The following XKR9 variants were observed in gnomAD, a reference collection of about 807,000 sequenced individuals.
XKR9 encodes the protein XK related 9, also known as XK-related protein 9.
A neutral mutation model predicts 32.0 loss-of-function variants in XKR9; 32 were observed. The observed-to-expected ratio is 1.00, with a 90% CI of 0.76 to 1.34. XKR9 has a LOEUF of 1.34. Among genes scored for constraint, XKR9 ranks in the 40% most tolerant of loss-of-function variants. XKR9 has a pLI of 0.00. For synonymous variants in XKR9, 168 were observed against 143.4 expected, an observed-to-expected ratio of 1.17 and a Z score of -1.22; for missense variants, 546 against 429.7, an observed-to-expected ratio of 1.27 and a Z score of -2.39.
At chr8:70,842,716 C>G in the XKR9 span, among the ~76,000 whole-genome samples, 1 of 152,186 alleles carries the variant, frequency 6.6e-6, no homozygotes, top group South Asian at 2.1e-4. Context: ...CCATGTCAGG[C>G]TGTCCCTACT....
the XKR9 span, among the ~76,000 whole-genome samples, chr8:70,835,874 T>C: frequency 2.0e-5 from 3 of 152,236 alleles, no homozygotes; most frequent in East Asian, 5.8e-4. Context: ...ATCTCAAACA[T>C]TCTTTCACTG....
At chr8:70,970,021 C>T in the XKR9 span, among the ~76,000 whole-genome samples, 2 of 152,158 alleles carry the variant, frequency 1.3e-5, no homozygotes, top group Non-Finnish European at 2.9e-5. Flanking sequence ...TCCTGAGTAA[C>T]TTCACTTAGA....
chr8:70,944,979 C>T, the XKR9 span, among the ~76,000 whole-genome samples: 2 of 151,994 alleles, frequency 1.3e-5, no homozygotes, highest in African/African-American at 4.8e-5. Context: ...AATCCTTATC[C>T]ATAGGGAATA....
At chr8:70,741,786 T>C (rs1398612573) in intron 2 of XKR9, among the ~76,000 whole-genome samples, 1 of 152,232 alleles carries the variant, frequency 6.6e-6, no homozygotes, top group Non-Finnish European at 1.5e-5. Context: ...GTGGGATTAC[T>C]TGATCACGTG....
chr8:70,993,842 G>C, the XKR9 span, among the ~76,000 whole-genome samples: 1 of 152,088 alleles, frequency 6.6e-6, no homozygotes, highest in African/African-American at 2.4e-5. Flanking sequence ...GTGTATGTTT[G>C]GGGGGTGGCC....
the XKR9 span, among the ~76,000 whole-genome samples, chr8:70,797,736 G>A: frequency 6.6e-6 from 1 of 152,046 alleles, no homozygotes; most frequent in East Asian, 1.9e-4. Flanking sequence ...CCTGGTGTCT[G>A]TTGTTCCCTT....
chr8:70,692,686 C>T (rs1459228982), intron 3 of XKR9, among the ~76,000 whole-genome samples: 1 of 152,150 alleles, frequency 6.6e-6, no homozygotes, highest in East Asian at 1.9e-4. Flanking sequence ...TCAAGCGATT[C>T]TCCTGCTTCA....
the XKR9 span, among the ~76,000 whole-genome samples, chr8:71,021,488 T>C: frequency 1.9e-4 from 28 of 150,600 alleles, no homozygotes; most frequent in Admixed American, 1.7e-3. Context: ...GTTTACTCTG[T>C]TGATGGTTTC....
intron 2 of XKR9, among the ~76,000 whole-genome samples, chr8:70,747,951 A>G (rs776016113): frequency 6.6e-6 from 1 of 152,138 alleles, no homozygotes; most frequent in Non-Finnish European, 1.5e-5. Context: ...ACTATATGTG[A>G]TGGTGTTTTG....
At chr8:70,687,354 C>CTT (rs1819329115) in intron 3 of XKR9, among the ~76,000 whole-genome samples, 1 of 146,182 alleles carries the variant, frequency 6.8e-6, no homozygotes, top group African/African-American at 2.6e-5. Flanking sequence ...TTCTTTCTTT[C>CTT]TTTCTCTCTT....
At chr8:70,874,415 A>G in the XKR9 span, among the ~76,000 whole-genome samples, 1 of 152,210 alleles carries the variant, frequency 6.6e-6, no homozygotes, top group Admixed American at 6.5e-5. Flanking sequence ...TATATCTGTA[A>G]TAAGTAGAAA....
At chr8:70,931,965 A>G in the XKR9 span, among the ~76,000 whole-genome samples, 6 of 152,110 alleles carry the variant, frequency 3.9e-5, no homozygotes, top group Non-Finnish European at 7.4e-5. Context: ...ATACATCCTA[A>G]CCATATCAGG....
At chr8:70,716,621 C>T (rs1018536324) in intron 4 of XKR9, among the ~76,000 whole-genome samples, 1 of 152,094 alleles carries the variant, frequency 6.6e-6, no homozygotes, top group African/African-American at 2.4e-5. Context: ...TTACCTCTAC[C>T]GTGTCCCTTC....
intron 2 of XKR9, among the ~76,000 whole-genome samples, chr8:70,755,592 A>C: frequency 6.6e-6 from 1 of 152,166 alleles, no homozygotes; most frequent in Admixed American, 6.5e-5. Flanking sequence ...AAAAATGATG[A>C]GTTCATGTCC....
the XKR9 span, among the ~76,000 whole-genome samples, chr8:71,035,855 G>T: frequency 1.2e-4 from 18 of 152,154 alleles, no homozygotes; most frequent in South Asian, 3.5e-3. Flanking sequence ...TTTAAAGTAG[G>T]TCATAATACC....
the XKR9 span, among the ~76,000 whole-genome samples, chr8:71,053,008 T>C: frequency 6.6e-6 from 1 of 152,198 alleles, no homozygotes; most frequent in African/African-American, 2.4e-5. Flanking sequence ...GTGGCAAAGA[T>C]AAATCATGTG....
At chr8:70,931,677 G>T in the XKR9 span, among the ~76,000 whole-genome samples, 1 of 152,174 alleles carries the variant, frequency 6.6e-6, no homozygotes, top group Non-Finnish European at 1.5e-5. Context: ...TCTGTTTGTT[G>T]TCTGGTGAGA....
the XKR9 span, among the ~76,000 whole-genome samples, chr8:70,839,986 C>G: frequency 4.6e-5 from 7 of 152,286 alleles, no homozygotes; most frequent in Middle Eastern, 0.017. Flanking sequence ...CTCTCCATTT[C>G]CATCTGACAA....
At chr8:71,024,059 G>C in the XKR9 span, among the ~76,000 whole-genome samples, 1 of 152,196 alleles carries the variant, frequency 6.6e-6, no homozygotes, top group Non-Finnish European at 1.5e-5. Context: ...GCCAGGCCAG[G>C]CAGGCCTATC....
Sources: gnomAD v4.1 joint callset for allele counts (sites outside exome capture counted in the v4.1 genomes callset) on GRCh38, gnomAD v4.1.1 for gene constraint, MANE v1.5 for transcripts, NCBI Gene and HGNC (gene_info 2026-07-23, HGNC 2026-07-21) for gene names.